Variants in PID1 observed in about 807,000 individuals in gnomAD.
PID1 encodes the protein PTB-containing, cubilin and LRP1-interacting protein.
In PID1, 10 loss-of-function variants were observed where a neutral mutation model predicts 19.1. The ratio of observed to expected loss-of-function variants is 0.52; its 90% CI spans 0.32 to 0.89. The LOEUF is 0.89. PID1 is among the 40% of genes least tolerant of loss of function. The pLI is 0.03. For missense variants in PID1, 248 were observed against 285.3 expected (o/e 0.87, Z 0.94); for synonymous variants, 130 against 116.0 (o/e 1.12, Z -0.78).
intron 1 of PID1, among the ~76,000 whole-genome samples, chr2:229,259,093 T>C (rs2106290110): frequency 6.6e-6 from 1 of 151,444 alleles, no homozygotes; most frequent in East Asian, 2.0e-4. Context: ...AATAACTGTG[T>C]AGTGATACCT....
chr2:229,177,049 G>A (rs142549227), intron 1 of PID1, among the ~76,000 whole-genome samples: 24 of 152,314 alleles, frequency 1.6e-4, no homozygotes, highest in African/African-American at 5.1e-4. Flanking sequence ...CATCTCACAT[G>A]GCAGCAGACA....
At chr2:229,234,627 T>C (rs1474262675) in intron 1 of PID1, among the ~76,000 whole-genome samples, 1 of 152,242 alleles carries the variant, frequency 6.6e-6, no homozygotes, top group Non-Finnish European at 1.5e-5. Context: ...AAATGTGTGA[T>C]AATTTATTAG....
rs376715362 is a variant in PID1 at position 229,131,196 on chromosome 2, TTTTTC to T, written c.177+24617_177+24621del. ...ATAAACACTTTAAATAAATACTACA[TTTTTC>T]TTTTCTTTTCTTTTCTTTTCTCTTT... On this transcript the variant is annotated intron_variant, in intron 2 of 2. Coordinates refer to ENST00000392055, the MANE Select transcript of PID1 (RefSeq NM_001100818.2). 1.2e-3 allele frequency among the ~76,000 whole-genome samples: 187 copies of T among 151,964 alleles called. 1 individual carries two copies. Among genetic ancestry groups the T allele is most frequent in the African/African-American group, 3.0e-3 (126 of 41,470 alleles).
chr2:229,251,717 A>G (rs1017370482), intron 1 of PID1, among the ~76,000 whole-genome samples: 2 of 152,200 alleles, frequency 1.3e-5, no homozygotes, highest in African/African-American at 2.4e-5. Context: ...TAAATTTCCT[A>G]TGTAAAATTA....
At chr2:229,220,844 T>C (rs750568197) in intron 1 of PID1, among the ~76,000 whole-genome samples, 1 of 152,156 alleles carries the variant, frequency 6.6e-6, no homozygotes, top group African/African-American at 2.4e-5. Context: ...AAACTGACAA[T>C]GTTTATACCA....
At chr2:229,165,402 C>T in intron 1 of PID1, among the ~76,000 whole-genome samples, 1 of 151,986 alleles carries the variant, frequency 6.6e-6, no homozygotes, top group East Asian at 1.9e-4. Context: ...GAGTTCAAGA[C>T]CAGCCTGGGC....
chr2:229,218,547 G>A (rs978270538), intron 1 of PID1, among the ~76,000 whole-genome samples: 3 of 152,146 alleles, frequency 2.0e-5, no homozygotes, highest in African/African-American at 7.2e-5. Flanking sequence ...GCAATTACCT[G>A]GAGGATAGAA....
chr2:229,235,125 C>T (rs1035292215), intron 1 of PID1, among the ~76,000 whole-genome samples: 1 of 152,194 alleles, frequency 6.6e-6, no homozygotes, highest in South Asian at 2.1e-4. Flanking sequence ...CTCTTCACCA[C>T]TCAGTTCCTA....
At chr2:229,165,947 C>A (rs1188735232) in intron 1 of PID1, among the ~76,000 whole-genome samples, 2 of 152,078 alleles carry the variant, frequency 1.3e-5, no homozygotes, top group Non-Finnish European at 2.9e-5. Context: ...ATACAAAATT[C>A]TATTGTTTTC....
chr2:229,263,919 G>T (rs1408239856), intron 1 of PID1, among the ~76,000 whole-genome samples: 1 of 152,134 alleles, frequency 6.6e-6, no homozygotes, highest in African/African-American at 2.4e-5. Context: ...GGCTGCTATT[G>T]TTATTATTAC....
intron 2 of PID1, among the ~76,000 whole-genome samples, chr2:229,081,350 A>T (rs1694665688): frequency 1.3e-5 from 2 of 152,250 alleles, no homozygotes; most frequent in South Asian, 2.1e-4. Context: ...ATCTAAAGAC[A>T]TAATGATAAT....
chr2:229,237,983 G>T (rs1385041781), intron 1 of PID1, among the ~76,000 whole-genome samples: 1 of 152,162 alleles, frequency 6.6e-6, no homozygotes, highest in Non-Finnish European at 1.5e-5. Context: ...GGTAGAAAAA[G>T]TGGAGCTAGT....
rs1694336757 is a variant in PID1 at position 229,066,850 on chromosome 2, C to T, written c.178-40742G>A. On this transcript the variant is annotated intron_variant, in intron 2 of 2. Coordinates refer to ENST00000392055, the MANE Select transcript of PID1 (RefSeq NM_001100818.2). ...CCAAGTGTGATTTGGCCGATCCACT[C>T]ATACGAGGTTCATTAACACCCACAA... Among the ~76,000 whole-genome samples, 5 of 152,082 alleles carry T rather than the reference C, an allele frequency of 3.3e-5. No individual in the cohort carries two copies. The South Asian group carries it at 1.0e-3, about 31-fold the overall frequency.
chr2:229,057,280 T>C (rs1694122299), intron 2 of PID1, among the ~76,000 whole-genome samples: 2 of 151,804 alleles, frequency 1.3e-5, no homozygotes, highest in Admixed American at 6.6e-5. Context: ...TCTACAAAAA[T>C]ACAAAAATTA....
intron 1 of PID1, among the ~76,000 whole-genome samples, chr2:229,185,971 A>C (rs1293690155): frequency 1.3e-5 from 2 of 152,204 alleles, no homozygotes; most frequent in African/African-American, 4.8e-5. Context: ...CGAGCCTGTA[A>C]AATCAAAAGC....
At chr2:229,263,162 A>G (rs1361394884) in intron 1 of PID1, among the ~76,000 whole-genome samples, 1 of 152,310 alleles carries the variant, frequency 6.6e-6, no homozygotes, top group Non-Finnish European at 1.5e-5. Context: ...AGAAGTCCCA[A>G]TTCACATATG....
chr2:229,069,143 T>TTTTTTTTG (rs369977117), intron 2 of PID1, among the ~76,000 whole-genome samples: 12 of 140,708 alleles, frequency 8.5e-5, no homozygotes, highest in African/African-American at 3.2e-4. Context: ...AGAAGGGTTT[T>TTTTTTTTG]TGTGTGTGTG....
chr2:229,039,886 C>T (rs1368775978), intron 2 of PID1, among the ~76,000 whole-genome samples: 1 of 151,938 alleles, frequency 6.6e-6, no homozygotes, highest in African/African-American at 2.4e-5. Context: ...CAATATCATA[C>T]CTAGGAATTT....
intron 1 of PID1, among the ~76,000 whole-genome samples, chr2:229,176,401 C>T (rs868813591): frequency 1.1e-4 from 16 of 152,290 alleles, no homozygotes; most frequent in Middle Eastern, 3.4e-3. Flanking sequence ...GGATTCAGCA[C>T]GCATTCCCCA....
Sources: allele counts gnomAD v4.1 joint callset (sites outside exome capture counted in the v4.1 genomes callset), GRCh38; gene constraint gnomAD v4.1.1; transcripts MANE v1.5; gene names NCBI Gene and HGNC (gene_info 2026-07-23, HGNC 2026-07-21).